The following GRAMD1B variants were observed in gnomAD, a reference collection of about 807,000 sequenced individuals.
GRAMD1B encodes protein Aster-B.
A neutral mutation model predicts 99.7 loss-of-function variants in GRAMD1B; 37 were observed. The ratio of observed to expected loss-of-function variants is 0.37; its 90% CI spans 0.29 to 0.49. The LOEUF is 0.49. Ranked by LOEUF, GRAMD1B falls within the 20% of genes least tolerant of loss-of-function variation. The pLI is 0.98. For synonymous variants in GRAMD1B, 427 were observed against 387.6 expected, an observed-to-expected ratio of 1.10 and a Z score of -1.19; for missense variants, 888 against 1,009.2, an observed-to-expected ratio of 0.88 and a Z score of 1.63.
intron 7 of GRAMD1B, chr11:123,597,969 C>T: frequency 8.3e-7 from 1 of 1,197,916 alleles, no homozygotes; most frequent in South Asian, 1.2e-5. Context: ...TTTTTCAGAT[C>T]CTCATATGTC....
At chr11:123,524,110 T>G (rs1044344679) in intron 2 of GRAMD1B, among the ~76,000 whole-genome samples, 6 of 152,210 alleles carry the variant, frequency 3.9e-5, no homozygotes, top group Non-Finnish European at 5.9e-5. Flanking sequence ...ACATGGTGTT[T>G]TAGTTCGGTT....
At chr11:123,485,335 G>C (rs1951831712) in intron 2 of GRAMD1B, among the ~76,000 whole-genome samples, 2 of 152,120 alleles carry the variant, frequency 1.3e-5, no homozygotes, top group African/African-American at 4.8e-5. Context: ...TCTTGCTTTT[G>C]TGTAAGGTTC....
intron 2 of GRAMD1B, among the ~76,000 whole-genome samples, chr11:123,487,046 A>C (rs1373491632): frequency 6.6e-6 from 1 of 152,224 alleles, no homozygotes; most frequent in African/African-American, 2.4e-5. Context: ...TCCACCCTGG[A>C]TGACAGAGTG....
intron 1 of GRAMD1B, among the ~76,000 whole-genome samples, chr11:123,370,094 C>T (rs538274402): frequency 6.6e-6 from 1 of 151,228 alleles, no homozygotes; most frequent in East Asian, 2.0e-4. Flanking sequence ...GCAGGCAGAT[C>T]ACTTGATGTC....
At chr11:123,553,436 G>A (rs2135896518) in intron 2 of GRAMD1B, among the ~76,000 whole-genome samples, 1 of 152,354 alleles carries the variant, frequency 6.6e-6, no homozygotes, top group East Asian at 1.9e-4. Context: ...ATGTATCCAT[G>A]TGTACATGAT....
intron 2 of GRAMD1B, among the ~76,000 whole-genome samples, chr11:123,530,843 T>G (rs1273231792): frequency 6.6e-6 from 1 of 152,200 alleles, no homozygotes; most frequent in African/African-American, 2.4e-5. Context: ...TTTGGAGAGC[T>G]GACTCCTGAA....
chr11:123,380,825 C>T (rs1946847232), intron 1 of GRAMD1B, among the ~76,000 whole-genome samples: 1 of 152,110 alleles, frequency 6.6e-6, no homozygotes. Flanking sequence ...GCCTGTCCAC[C>T]CCATCTCCCT....
At chr11:123,442,815 T>C (rs1358563579) in intron 1 of GRAMD1B, among the ~76,000 whole-genome samples, 2 of 151,814 alleles carry the variant, frequency 1.3e-5, no homozygotes, top group Admixed American at 1.3e-4. Flanking sequence ...CTTTTTCTGG[T>C]TATTTCTTGA....
At chr11:123,618,305 C>A (rs766380251) in intron 17 of GRAMD1B, 4 of 1,599,218 alleles carry the variant, frequency 2.5e-6, no homozygotes, top group African/African-American at 2.7e-5. Context: ...CTGTTTCTAA[C>A]CTCTGCCTCC....
intron 1 of GRAMD1B, among the ~76,000 whole-genome samples, chr11:123,391,249 T>C (rs959290213): frequency 1.3e-5 from 2 of 152,190 alleles, no homozygotes; most frequent in East Asian, 1.9e-4. Context: ...TGAGAGCTCT[T>C]GCAACTTCTT....
intron 1 of GRAMD1B, among the ~76,000 whole-genome samples, chr11:123,447,355 G>A (rs2846062): frequency 0.61 from 93,388 of 151,978 alleles, 29,422 homozygotes; most frequent in African/African-American, 0.71. Context: ...AGTGACAGAG[G>A]TGGATCTAGA....
intron 2 of GRAMD1B, among the ~76,000 whole-genome samples, chr11:123,522,812 A>G (rs1942327045): frequency 6.6e-6 from 1 of 152,180 alleles, no homozygotes; most frequent in African/African-American, 2.4e-5. Context: ...CCAACTCATC[A>G]GTAATAGAAG....
intron 4 of GRAMD1B, among the ~76,000 whole-genome samples, chr11:123,589,019 T>C (rs1950350209): frequency 6.6e-6 from 1 of 152,006 alleles, no homozygotes; most frequent in African/African-American, 2.4e-5. Context: ...TTAAATAATT[T>C]TATGCACAAA....
chr11:123,369,940 T>C (rs1332350816), intron 1 of GRAMD1B, among the ~76,000 whole-genome samples: 3 of 151,506 alleles, frequency 2.0e-5, no homozygotes, highest in Non-Finnish European at 2.9e-5. Context: ...TGCCCCTTTC[T>C]TGGAGAAAAT....
intron 4 of GRAMD1B, among the ~76,000 whole-genome samples, chr11:123,585,569 A>G (rs1488043371): frequency 6.6e-6 from 1 of 152,112 alleles, no homozygotes; most frequent in Non-Finnish European, 1.5e-5. Context: ...GCCACACTCT[A>G]CTTCTATCTC....
At position 123,456,547 on chromosome 11, in the gene GRAMD1B, G is replaced by A. The variant is rs1334950219; in HGVS notation, c.375-24269G>A. 1.2e-4 allele frequency among the ~76,000 whole-genome samples: 19 copies of A among 152,230 alleles called. No homozygotes were observed. The South Asian group carries it at 3.7e-3, about 30-fold the overall frequency. On this transcript the variant is annotated intron_variant, in intron 1 of 19. Transcript: ENST00000635736. ...CCCAGCACTTTGGGAGGCTGAGGCA[G>A]GCAGATCACTTGAGCCCCTGAATTT...
rs1193001020 is a variant in GRAMD1B, at chr11:123,430,976, C to T, written c.184C>T (p.Arg62Trp). ...QEQSLEAGLA[R>W]DLPAVLAPGK... ...GCAGAGCCTGGAGGCCGGGCTGGCC[C>T]GGGACCTGCCCGCCGTCTTGGCCCC... The change falls in exon 1 of 20, where the codon CGG becomes TGG. Residue 62 changes from arginine to tryptophan, a missense_variant. Physicochemically the swap from Arg to Trp is moderately radical, Grantham distance 101. Around this residue, in one of 5 missense-constraint regions of GRAMD1B, gnomAD observed 233 missense variants for 154.6 expected, o/e 1.51. Coordinates refer to ENST00000635736, the MANE Select transcript of GRAMD1B (RefSeq NM_001387025.1). The T allele has an allele frequency of 1.3e-5, 9 of 702,856 alleles. No individual in the cohort carries two copies. Among genetic ancestry groups the T allele is most frequent in the Non-Finnish European group, 1.6e-5 (6 of 384,906 alleles). 43.5% of individuals were successfully genotyped at this position (702,856 alleles called of 1,614,324 possible).
At chr11:123,430,130 C>G (rs1159093294), upstream of GRAMD1B, among the ~76,000 whole-genome samples, 4 of 152,150 alleles carry the variant, frequency 2.6e-5, no homozygotes. Context: ...GAGTCCCTCC[C>G]CGAGGGAATC....
intron 1 of GRAMD1B, among the ~76,000 whole-genome samples, chr11:123,423,828 T>C (rs1295040628): frequency 6.6e-6 from 1 of 152,340 alleles, no homozygotes; most frequent in South Asian, 2.1e-4. Context: ...AAATCTCTCA[T>C]CATCTTGAAA....
Sources: gnomAD v4.1 joint callset for allele counts (sites outside exome capture counted in the v4.1 genomes callset) on GRCh38, gnomAD v4.1.1 for gene constraint, gnomAD v4.1.1 regional missense constraint, MANE v1.5 for transcripts, NCBI Gene and HGNC (gene_info 2026-07-23, HGNC 2026-07-21) for gene names.